Variants in BTBD9 observed in about 807,000 individuals in gnomAD.
BTBD9 encodes BTB/POZ domain-containing protein 9.
In BTBD9, 49 loss-of-function variants were observed where a neutral mutation model predicts 64.3. That is an observed-to-expected ratio of 0.76 (90% CI 0.61 to 0.97). The LOEUF (loss-of-function observed/expected upper bound fraction) is 0.97, where lower values mean the gene tolerates loss of function less well. Among genes scored for constraint, BTBD9 ranks in the 50% least tolerant of loss-of-function variants. The pLI is 0.00. For missense variants in BTBD9, 598 were observed against 762.1 expected (o/e 0.78, Z 2.53); for synonymous variants, 260 against 274.7 (o/e 0.95, Z 0.53).
At chr6:38,587,147 G>A (rs534464743) in intron 4 of BTBD9, among the ~76,000 whole-genome samples, 1 of 152,206 alleles carries the variant, frequency 6.6e-6, no homozygotes, top group Admixed American at 6.5e-5. Context: ...TACAAGTGAG[G>A]TGCAGTGGCC....
chr6:38,356,286 T>C (rs1054768014), intron 6 of BTBD9, among the ~76,000 whole-genome samples: 3 of 152,194 alleles, frequency 2.0e-5, no homozygotes, highest in Non-Finnish European at 4.4e-5. Flanking sequence ...CTTGAATTAC[T>C]GTTATTAATT....
At chr6:38,479,063 A>G (rs1466601032) in intron 6 of BTBD9, among the ~76,000 whole-genome samples, 2 of 152,270 alleles carry the variant, frequency 1.3e-5, no homozygotes, top group Admixed American at 1.3e-4. Context: ...AAAAGCTCAA[A>G]AAGTTCTCTG....
At chr6:38,242,824 C>T (rs1340116195) in intron 9 of BTBD9, among the ~76,000 whole-genome samples, 1 of 152,216 alleles carries the variant, frequency 6.6e-6, no homozygotes, top group Non-Finnish European at 1.5e-5. Context: ...GGGGATAAAT[C>T]CCAATGTACC....
chr6:38,220,924 G>A (rs1310713578), intron 9 of BTBD9, among the ~76,000 whole-genome samples: 2 of 152,178 alleles, frequency 1.3e-5, no homozygotes, highest in Non-Finnish European at 2.9e-5. Flanking sequence ...GGTAGAGAAA[G>A]GCTCTCCAAG....
intron 6 of BTBD9, among the ~76,000 whole-genome samples, chr6:38,354,159 T>C (rs1302380361): frequency 6.6e-6 from 1 of 152,132 alleles, no homozygotes; most frequent in African/African-American, 2.4e-5. Context: ...CAAGATGGCT[T>C]AAAAAACAGA....
chr6:38,571,981 C>CAT (rs1398776962), intron 6 of BTBD9, among the ~76,000 whole-genome samples: 2 of 151,566 alleles, frequency 1.3e-5, no homozygotes, highest in East Asian at 3.9e-4. Flanking sequence ...CAATCACACA[C>CAT]ACACACACAC....
At chr6:38,595,520 G>C (rs941964042) in intron 2 of BTBD9, among the ~76,000 whole-genome samples, 1 of 152,036 alleles carries the variant, frequency 6.6e-6, no homozygotes, top group Non-Finnish European at 1.5e-5. Flanking sequence ...AGGACGAAGA[G>C]GACAAGGGAG....
chr6:38,170,413 A>G lies in BTBD9; in HGVS notation c.*4572T>C, dbSNP rs1213275043. On this transcript the variant is annotated 3_prime_UTR_variant, in exon 11 of 11. Transcript: ENST00000481247. Reference sequence around the variant, plus strand: ...AGCCTCTTTCCTCCTCCCTGATGGAAGCCAGAGACCTACCACAAACAAAGA... The same window carrying G: ...AGCCTCTTTCCTCCTCCCTGATGGAGGCCAGAGACCTACCACAAACAAAGA... The G allele has an allele frequency of 6.5e-6, 1 of 152,758 alleles. No homozygotes were observed. The highest frequency in any genetic ancestry group is 1.5e-5 in the Non-Finnish European group (1 of 68,488). The allele number at this position is 152,758 out of a possible 1,614,324, so 9.5% of individuals were successfully genotyped here. A position where few individuals can be genotyped will look rare whatever the true frequency, so the allele number is the denominator to read the frequency against.
chr6:38,454,454 TATATTTAATTATCTTAAATATAGGGCCA>T lies in BTBD9; in HGVS notation c.1155-109389_1155-109362del, dbSNP rs1356157277. Among the ~76,000 whole-genome samples the T allele has an allele frequency of 4.0e-5, 6 of 149,348 alleles. No individual in the cohort carries two copies. In the East Asian group the frequency reaches 7.9e-4, roughly 20 times the overall value. On this transcript the variant is annotated intron_variant, in intron 6 of 10. Coordinates refer to ENST00000481247, the MANE Select transcript of BTBD9 (RefSeq NM_001099272.2). ...CATTACCATAATTAAATATTGGCCC[TATATTTAATTATCTTAAATATAGGGCCA>T]ATATTTAATTATCTTAAATATAATA...
At position 38,637,939 on chromosome 6, in the gene BTBD9, T is replaced by A. The variant is rs554427895; in HGVS notation, c.-28+1861A>T. Among the ~76,000 whole-genome samples, 4 of 152,336 alleles carry A rather than the reference T, an allele frequency of 2.6e-5. No homozygotes were observed. In the South Asian group the frequency reaches 8.3e-4, roughly 32 times the overall value. ...CAGTGGGATGCTGATAAGCCCGCCT[T>A]AATCCTTAACACTTTGCCTTCCCAA... On this transcript the variant is annotated intron_variant, in intron 1 of 10. Coordinates refer to ENST00000481247, the MANE Select transcript of BTBD9 (RefSeq NM_001099272.2).
intron 1 of BTBD9, among the ~76,000 whole-genome samples, chr6:38,635,104 A>G (rs1210284592): frequency 6.6e-6 from 1 of 151,830 alleles, no homozygotes; most frequent in African/African-American, 2.4e-5. Flanking sequence ...GGACCCAGAA[A>G]TCTGTGCTTT....
intron 8 of BTBD9, among the ~76,000 whole-genome samples, chr6:38,266,630 GAAAGAA>G (rs1765000354): frequency 1.3e-5 from 1 of 74,922 alleles, no homozygotes; most frequent in African/African-American, 6.7e-5. Context: ...AAGAAAGAAA[GAAAGAA>G]AGAAAGAAAG....
intron 9 of BTBD9, among the ~76,000 whole-genome samples, chr6:38,195,785 C>G (rs1490176348): frequency 6.6e-6 from 1 of 151,924 alleles, no homozygotes; most frequent in Non-Finnish European, 1.5e-5. Context: ...TTTATTCTTT[C>G]CCATGCACAC....
intron 6 of BTBD9, among the ~76,000 whole-genome samples, chr6:38,449,866 T>G (rs1769441640): frequency 1.3e-5 from 2 of 152,224 alleles, no homozygotes. Flanking sequence ...GACATTAGTC[T>G]GGGCAATGAT....
chr6:38,334,036 G>A (rs1366041832), intron 7 of BTBD9, among the ~76,000 whole-genome samples: 1 of 152,200 alleles, frequency 6.6e-6, no homozygotes, highest in Non-Finnish European at 1.5e-5. Flanking sequence ...AGATGCAGAT[G>A]AGGAACTTAT....
intron 8 of BTBD9, among the ~76,000 whole-genome samples, chr6:38,283,330 C>T (rs1388663616): frequency 6.6e-6 from 1 of 152,200 alleles, no homozygotes; most frequent in African/African-American, 2.4e-5. Context: ...CTTCACTTAG[C>T]AATAGCAAAT....
At chr6:38,581,528 T>C (rs1776284369) in intron 4 of BTBD9, among the ~76,000 whole-genome samples, 1 of 152,224 alleles carries the variant, frequency 6.6e-6, no homozygotes, top group African/African-American at 2.4e-5. Flanking sequence ...TAACCACCAA[T>C]TGTGCCTGGG....
chr6:38,412,029 G>A (rs1767451824), intron 6 of BTBD9, among the ~76,000 whole-genome samples: 1 of 151,166 alleles, frequency 6.6e-6, no homozygotes, highest in Non-Finnish European at 1.5e-5. Flanking sequence ...TTTTAAAATG[G>A]GTCAATTCCT....
chr6:38,428,715 C>CTT (rs1168857802), intron 6 of BTBD9, among the ~76,000 whole-genome samples: 5 of 138,206 alleles, frequency 3.6e-5, no homozygotes, highest in Non-Finnish European at 7.9e-5. Context: ...TTCGTTTTTT[C>CTT]TTTTTTTTTT....
Sources: gnomAD v4.1 joint callset for allele counts (sites outside exome capture counted in the v4.1 genomes callset) on GRCh38, gnomAD v4.1.1 for gene constraint, MANE v1.5 for transcripts, NCBI Gene and HGNC (gene_info 2026-07-23, HGNC 2026-07-21) for gene names.